The following GNAS variants were observed in gnomAD, a reference collection of about 807,000 sequenced individuals.
The protein encoded by GNAS is GNAS complex locus.
In GNAS, 8 loss-of-function variants were observed where a neutral mutation model predicts 54.5. That is an observed-to-expected ratio of 0.15 (90% confidence interval 0.09 to 0.26). The LOEUF (loss-of-function observed/expected upper bound fraction) is 0.26. Among genes scored for constraint, GNAS ranks in the 10% least tolerant of loss-of-function variants. The probability of loss-of-function intolerance (pLI) is 1.00; values close to 1 mark genes in which losing one functional copy is unlikely to be tolerated. For synonymous variants in GNAS, 204 were observed against 191.4 expected (o/e 1.07, Z -0.54); for missense variants, 170 against 529.8 (o/e 0.32, Z 6.67).
At chr20:58,888,505 C>G (rs1600922314), upstream of GNAS, 1 of 152,210 alleles carries the variant, frequency 6.6e-6, no homozygotes, top group South Asian at 2.1e-4. Context: ...AAAGAACCCT[C>G]AAACAAGTTC....
At chr20:58,899,519 A>G (rs6015399) in intron 3 of GNAS, 176 of 546,004 alleles carry the variant, frequency 3.2e-4, no homozygotes, top group African/African-American at 2.8e-3. Flanking sequence ...CCTTTTAAAA[A>G]TGATCAAATT....
chr20:58,911,021 C>T lies in GNAS; in HGVS notation c.*192C>T, dbSNP rs775411134. The T allele has an allele frequency of 4.0e-5, 28 of 699,904 alleles. No individual in the cohort carries two copies. Among genetic ancestry groups the T allele is most frequent in the Middle Eastern group, 3.6e-4 (1 of 2,776 alleles). The allele number at this position is 699,904 out of a possible 1,614,324, so 43.4% of individuals were successfully genotyped here. Reference sequence around the variant, plus strand: ...TGTTCCAAATTTAGAAAGCTTAAGGCGGCCTACAGAAAAAGGAAAAAAGGC... The same window carrying T: ...TGTTCCAAATTTAGAAAGCTTAAGGTGGCCTACAGAAAAAGGAAAAAAGGC... On this transcript the variant is annotated 3_prime_UTR_variant, in exon 13 of 13. Transcript: ENST00000371085.
chr20:58,843,822 T>A (rs915914978), intron 1 of GNAS, among the ~76,000 whole-genome samples: 10 of 152,228 alleles, frequency 6.6e-5, no homozygotes, highest in African/African-American at 2.4e-4. Context: ...AGCTGGGAAT[T>A]TATGTTGCAA....
rs949635742 is a variant in GNAS at position 58,882,991 on chromosome 20, G to T, written c.44-12621G>T. 2.0e-5 allele frequency: 3 copies of T among 151,910 alleles called. 1 individual carries two copies. The highest frequency in any genetic ancestry group is 4.8e-5 in the African/African-American group (2 of 41,320). 9.4% of individuals were successfully genotyped at this position (151,910 alleles called of 1,614,324 possible). The stretch of plus-strand genomic sequence containing the variant: ...CCTCTTTCCACGGTAGCTTAAATTA[G>T]CCCATCATCATCAGCAAATCTTAAT... On this transcript the variant is annotated intron_variant, in intron 1 of 12. Transcript: ENST00000306090.
chr20:58,842,512 C>T (rs2085777959), intron 1 of GNAS: 1 of 398,604 alleles, frequency 2.5e-6, no homozygotes, highest in Non-Finnish European at 4.4e-6. Flanking sequence ...CGGGCTGCAG[C>T]GCAGACTGTG....
chr20:58,839,821 A>G, upstream of GNAS: 2 of 592,814 alleles, frequency 3.4e-6, no homozygotes, highest in Non-Finnish European at 6.0e-6. Flanking sequence ...GCGGAATCTA[A>G]GACTCAGCGA....
At chr20:58,900,086 T>A (rs1404844264) in intron 3 of GNAS, 1 of 400,396 alleles carries the variant, frequency 2.5e-6, no homozygotes, top group South Asian at 2.6e-5. Flanking sequence ...GGAGGGGGGA[T>A]GGGGCCCCTG....
At chr20:58,891,417 C>T (rs2089284861), upstream of GNAS, 1 of 346,782 alleles carries the variant, frequency 2.9e-6, no homozygotes, top group Non-Finnish European at 4.0e-6. Context: ...GCGGCAGCGG[C>T]GGCAGCAGCT....
intron 1 of GNAS, among the ~76,000 whole-genome samples, chr20:58,871,841 A>C (rs552224549): frequency 5.9e-5 from 9 of 152,300 alleles, no homozygotes; most frequent in African/African-American, 2.2e-4. Flanking sequence ...CTTGCCCTCT[A>C]GGAACTTCTA....
intron 1 of GNAS, chr20:58,842,157 A>T: frequency 2.5e-6 from 1 of 398,826 alleles, no homozygotes; most frequent in Non-Finnish European, 4.4e-6. Flanking sequence ...ACCCAGCACA[A>T]AAACGGCAGC....
At position 58,841,714 on chromosome 20, in the gene GNAS, C is replaced by A. The variant is rs900228348; in HGVS notation, c.43+828C>A. On this transcript the variant is annotated intron_variant, in intron 1 of 12. Transcript: ENST00000306090. The surrounding 1 kb of genome is among the most constrained non-coding windows in gnomAD (Gnocchi z 5.0). ...AAGGGGACCCTTGGGGATGCCCCTA[C>A]GGGCTACCAGGGTTGAACGCACAGG... is the stretch of plus-strand genomic sequence containing the variant. 13 of 1,217,242 alleles carry A rather than the reference C, an allele frequency of 1.1e-5. No individual in the cohort carries two copies. Among genetic ancestry groups the A allele is most frequent in the Non-Finnish European group, 1.2e-5 (12 of 979,116 alleles). The allele number at this position is 1,217,242 out of a possible 1,614,324, so 75.4% of individuals were successfully genotyped here. A position where few individuals can be genotyped will look rare whatever the true frequency, so the allele number is the denominator to read the frequency against.
In GNAS at chr20:58,910,314, T is replaced by C. The variant is rs1353536715; in HGVS notation, c.971-20T>C. ...GCTTGAATTTTAAATTACATTAATA[T>C]GTATTCCCTTTTTATATAGCTACTC... On this transcript the variant is annotated intron_variant, in intron 11 of 12. Coordinates refer to ENST00000371085, the MANE Select transcript of GNAS (RefSeq NM_000516.7). This position sits in a 1 kb window ranked among gnomAD's most constrained non-coding sequence, Gnocchi z 5.8. 1.9e-6 allele frequency: 3 copies of C among 1,567,580 alleles called. No homozygotes were observed. Among genetic ancestry groups the C allele is most frequent in the Non-Finnish European group, 2.6e-6 (3 of 1,137,500 alleles).
chr20:58,866,579 TG>T (rs1245042172), intron 1 of GNAS, among the ~76,000 whole-genome samples: 2 of 152,208 alleles, frequency 1.3e-5, no homozygotes, highest in Non-Finnish European at 2.9e-5. Flanking sequence ...GTAACCATTA[TG>T]GAAGGGGACT....
intron 1 of GNAS, among the ~76,000 whole-genome samples, chr20:58,869,305 G>C (rs935274781): frequency 6.6e-6 from 1 of 152,202 alleles, no homozygotes; most frequent in African/African-American, 2.4e-5. Flanking sequence ...GATGAGGTAT[G>C]CCAACCCCCT....
Position 58,853,231 on chromosome 20 carries a change from G to A in GNAS, c.43+12345G>A. On this transcript the variant is annotated intron_variant, in intron 1 of 12. Coordinates refer to the GNAS transcript ENST00000306090. The surrounding 1 kb of genome is among the most constrained non-coding windows in gnomAD (Gnocchi z 4.4). ...TCGGTTGGGTGCTCCATCTTACGGA[G>A]CCCCAAACTTATTTTGAGAGGCCGC... 1.3e-6 allele frequency: 2 copies of A among 1,515,680 alleles called. No individual in the cohort carries two copies. The highest frequency in any genetic ancestry group is 1.8e-6 in the Non-Finnish European group (2 of 1,126,802). The allele number at this position is 1,515,680 out of a possible 1,614,324, so 93.9% of individuals were successfully genotyped here. A position where few individuals can be genotyped will look rare whatever the true frequency, so the allele number is the denominator to read the frequency against.
rs2085709512 is a variant in GNAS at position 58,841,230 on chromosome 20, C to G, written c.43+344C>G. ...ACACCCAAACGGCATTGGTAAGTCA[C>G]TTGTTTTGCGCGCTTTTCTTCCTCC... On this transcript the variant is annotated intron_variant, in intron 1 of 12. Transcript: ENST00000306090. The surrounding 1 kb of genome is among the most constrained non-coding windows in gnomAD (Gnocchi z 5.0). 3.6e-6 allele frequency: 3 copies of G among 821,994 alleles called. No individual in the cohort carries two copies. The African/African-American group carries it at 5.4e-5, about 15-fold the overall frequency. The allele number at this position is 821,994 out of a possible 1,614,324, so 50.9% of individuals were successfully genotyped here.
At position 58,841,525 on chromosome 20, in the gene GNAS, T is replaced by A. The variant is rs1017317482; in HGVS notation, c.43+639T>A. ...GCCGCGGGACCTCCGCGCCAGTGCCTCCAGCTGCCGTGCGCCAGCCTTGGC... is the reference window on the plus strand; with the variant it reads ...GCCGCGGGACCTCCGCGCCAGTGCCACCAGCTGCCGTGCGCCAGCCTTGGC... On this transcript the variant is annotated intron_variant, in intron 1 of 12. Coordinates refer to the GNAS transcript ENST00000306090. This position sits in a 1 kb window ranked among gnomAD's most constrained non-coding sequence, Gnocchi z 5.0. 2.4e-5 allele frequency: 24 copies of A among 993,490 alleles called. No homozygotes were observed. Among genetic ancestry groups the A allele is most frequent in the Non-Finnish European group, 2.8e-5 (23 of 835,844 alleles). The allele number at this position is 993,490 out of a possible 1,614,324, so 61.5% of individuals were successfully genotyped here.
At chr20:58,887,050 C>T (rs1193416531), upstream of GNAS, among the ~76,000 whole-genome samples, 1 of 152,174 alleles carries the variant, frequency 6.6e-6, no homozygotes, top group Non-Finnish European at 1.5e-5. Context: ...TAGTATATGA[C>T]ATGGGGCAGT....
At chr20:58,840,163 C>T (rs780943650), upstream of GNAS, 24 of 1,611,666 alleles carry the variant, frequency 1.5e-5, no homozygotes, top group Non-Finnish European at 1.8e-5. The surrounding 1 kb of genome is among the most constrained non-coding windows in gnomAD (Gnocchi z 6.0). Context: ...ATTACAACGA[C>T]CTGTGCCCGC....
Sources: gnomAD v4.1 joint callset for allele counts (sites outside exome capture counted in the v4.1 genomes callset) on GRCh38, gnomAD v4.1.1 for gene constraint, Gnocchi (gnomAD v3.1) non-coding constraint, MANE v1.5 for transcripts, NCBI Gene and HGNC (gene_info 2026-07-23, HGNC 2026-07-21) for gene names.